The following NOX3 variants were observed in gnomAD, a reference collection of about 807,000 sequenced individuals.
The protein encoded by NOX3 is NADPH oxidase 3, also known as NADPH oxidase catalytic subunit-like 3.
NOX3 carries 74 observed loss-of-function variants against 76.7 expected under a neutral mutation model. That is an observed-to-expected ratio of 0.96 (90% confidence interval 0.80 to 1.17). NOX3 has a LOEUF of 1.17. Among genes scored for constraint, NOX3 ranks in the 50% most tolerant of loss-of-function variants. The pLI is 0.00. For missense variants in NOX3, 695 were observed against 703.3 expected (o/e 0.99, Z 0.13); for synonymous variants, 263 against 261.1 (o/e 1.01, Z -0.07).
intron 12 of NOX3, among the ~76,000 whole-genome samples, chr6:155,398,451 A>G (rs2114671979): frequency 6.6e-6 from 1 of 152,350 alleles, no homozygotes; most frequent in African/African-American, 2.4e-5. Context: ...GCCATGTGTC[A>G]TAGCCACATT....
Position 155,407,117 on chromosome 6 carries a change from G to C in NOX3, c.1580+13C>G, listed in dbSNP as rs775202555. On this transcript the variant is annotated intron_variant, in intron 12 of 13. Transcript: ENST00000159060. ...AAGAGCCTGGCAGGGAGAGGAGCAA[G>C]AGCTTGCCTTACCTGGGGTGATTGT... 2.5e-6 allele frequency: 4 copies of C among 1,614,008 alleles called. No individual in the cohort carries two copies.
intron 11 of NOX3, among the ~76,000 whole-genome samples, chr6:155,408,360 T>C (rs974056654): frequency 6.6e-6 from 1 of 152,182 alleles, no homozygotes; most frequent in Non-Finnish European, 1.5e-5. Flanking sequence ...TTCTCACTTC[T>C]GGGGATCTGT....
chr6:155,443,439 C>A, intron 4 of NOX3, 21 bp from the exon 5 acceptor site: 1 of 1,610,158 alleles, frequency 6.2e-7, no homozygotes. Context: ...GAGATGACAC[C>A]AAACATGCAC....
chr6:155,436,295 C>T (rs1776902262), intron 7 of NOX3, 123 bp downstream of exon 7: 2 of 1,087,070 alleles, frequency 1.8e-6, no homozygotes, highest in African/African-American at 1.6e-5. Flanking sequence ...TCCATTAGCA[C>T]ACTTAATAAA....
chr6:155,413,264 C>T (rs1410155444), intron 10 of NOX3, among the ~76,000 whole-genome samples: 2 of 151,898 alleles, frequency 1.3e-5, no homozygotes, highest in Non-Finnish European at 2.9e-5. Context: ...GTGCGGAGGT[C>T]CTGAGTGAGA....
intron 10 of NOX3, among the ~76,000 whole-genome samples, chr6:155,418,660 A>G (rs928006274): frequency 1.3e-5 from 2 of 149,954 alleles, no homozygotes; most frequent in Non-Finnish European, 3.0e-5. Context: ...CTTCAAATGG[A>G]AAGTACTACT....
At chr6:155,427,007 G>GTA (rs1562465157) in intron 9 of NOX3, among the ~76,000 whole-genome samples, 3 of 142,334 alleles carry the variant, frequency 2.1e-5, no homozygotes, top group Non-Finnish European at 3.1e-5. Context: ...GTGTGTGTGT[G>GTA]TGTGTGTGTG....
At chr6:155,431,623 A>G (rs914311546) in intron 7 of NOX3, among the ~76,000 whole-genome samples, 2 of 152,208 alleles carry the variant, frequency 1.3e-5, no homozygotes, top group Non-Finnish European at 2.9e-5. Flanking sequence ...ACTGATGATC[A>G]ATTTACCAGC....
In NOX3 at chr6:155,399,854, C is replaced by T. The variant is rs546177282; in HGVS notation, c.1581-2892G>A. 9.2e-5 allele frequency among the ~76,000 whole-genome samples: 14 copies of T among 152,238 alleles called. No homozygotes were observed. The South Asian group carries it at 2.9e-3, about 32-fold the overall frequency. On this transcript the variant is annotated intron_variant, in intron 12 of 13. Transcript: ENST00000159060. Reference sequence around the variant, plus strand: ...TCGCTTGGAATTAAATAGAGATTCTCCGCAAAAGAAGTATAAAAACGCAAG... The same window carrying T: ...TCGCTTGGAATTAAATAGAGATTCTTCGCAAAAGAAGTATAAAAACGCAAG...
chr6:155,438,842 A>G (rs1582943646), intron 6 of NOX3, among the ~76,000 whole-genome samples: 2 of 152,330 alleles, frequency 1.3e-5, no homozygotes, highest in African/African-American at 4.8e-5. Context: ...GAGGGGTGGA[A>G]GAGGGTATTC....
chr6:155,422,673 G>C lies in NOX3; in HGVS notation c.1308+21C>G, dbSNP rs200442454. Reference sequence around the variant, plus strand: ...TGAACCTTTTAATCCATGGAAGGGTGAACTAATGATTTTTCCGTACCTTGC... The same window carrying C: ...TGAACCTTTTAATCCATGGAAGGGTCAACTAATGATTTTTCCGTACCTTGC... On this transcript the variant is annotated intron_variant, in intron 10 of 13. Transcript: ENST00000159060. 39 of 1,611,484 alleles carry C rather than the reference G, an allele frequency of 2.4e-5. No homozygotes were observed. The African/African-American group carries it at 4.4e-4, about 18-fold the overall frequency.
At chr6:155,399,409 A>C (rs752900919) in intron 12 of NOX3, among the ~76,000 whole-genome samples, 3 of 152,060 alleles carry the variant, frequency 2.0e-5, no homozygotes, top group Non-Finnish European at 4.4e-5. Context: ...AGCTCCCCTG[A>C]GTCTTTTGAA....
rs116615941 is a variant in NOX3, at chr6:155,422,207, T to C, written c.1308+487A>G. Among the ~76,000 whole-genome samples, 219 of 152,190 alleles carry C rather than the reference T, an allele frequency of 1.4e-3. 2 individuals are homozygous for C. The highest frequency in any genetic ancestry group is 5.1e-3 in the African/African-American group (210 of 41,508). Reference sequence around the variant, plus strand: ...TCTAGAGGCATCTAGTTGTAAAACATACAGGAAATGACAAAAGGGAGATTC... The same window carrying C: ...TCTAGAGGCATCTAGTTGTAAAACACACAGGAAATGACAAAAGGGAGATTC... On this transcript the variant is annotated intron_variant, in intron 10 of 13. Coordinates refer to ENST00000159060, the MANE Select transcript of NOX3 (RefSeq NM_015718.3).
At chr6:155,437,150 G>A (rs1776915132) in intron 6 of NOX3, among the ~76,000 whole-genome samples, 1 of 152,162 alleles carries the variant, frequency 6.6e-6, no homozygotes, top group Non-Finnish European at 1.5e-5. Flanking sequence ...CTAATGACCG[G>A]AGCACTGGAC....
At chr6:155,397,554 A>G (rs1304693382) in intron 12 of NOX3, among the ~76,000 whole-genome samples, 2 of 152,218 alleles carry the variant, frequency 1.3e-5, no homozygotes, top group African/African-American at 4.8e-5. Flanking sequence ...TGCTGAATGA[A>G]TGACTAAATG....
intron 9 of NOX3, among the ~76,000 whole-genome samples, chr6:155,426,984 CGTGT>C (rs764029957): frequency 0.044 from 1,859 of 41,854 alleles, 57 homozygotes; most frequent in African/African-American, 0.095. Flanking sequence ...GACACTGTGG[CGTGT>C]GTGTGTGTGT....
chr6:155,407,818 G>A (rs915613205), intron 11 of NOX3, among the ~76,000 whole-genome samples: 2 of 152,132 alleles, frequency 1.3e-5, no homozygotes, highest in African/African-American at 4.8e-5. Flanking sequence ...GGAAAATGGT[G>A]GCCAGAGCCT....
chr6:155,406,786 C>T (rs574106358), intron 12 of NOX3, among the ~76,000 whole-genome samples: 2 of 152,298 alleles, frequency 1.3e-5, no homozygotes, highest in East Asian at 1.9e-4. Context: ...GCTAGACATG[C>T]TAGATAGTGT....
chr6:155,429,164 A>T, intron 8 of NOX3, 117 bp from the exon 9 acceptor site: 1 of 1,011,416 alleles, frequency 9.9e-7, no homozygotes, highest in Non-Finnish European at 1.4e-6. Flanking sequence ...TAATTTACAT[A>T]TCCCATCTGC....
Sources: allele counts gnomAD v4.1 joint callset (sites outside exome capture counted in the v4.1 genomes callset), GRCh38; gene constraint gnomAD v4.1.1; transcripts MANE v1.5; gene names NCBI Gene and HGNC (gene_info 2026-07-23, HGNC 2026-07-21).